EPHA4: variants seen among roughly 807,000 people sequenced by gnomAD.
The protein encoded by EPHA4 is EPH receptor A4.
EPHA4 carries 19 observed loss-of-function variants against 108.3 expected under a neutral mutation model. The ratio of observed to expected loss-of-function variants is 0.18; its 90% CI spans 0.12 to 0.26. The LOEUF (loss-of-function observed/expected upper bound fraction) is 0.26, where lower values mean the gene tolerates loss of function less well. EPHA4 is among the 10% of genes least tolerant of loss of function. EPHA4 has a pLI of 1.00. For synonymous variants in EPHA4, 449 were observed against 455.5 expected (o/e 0.99, Z 0.18); for missense variants, 917 against 1,254.0 (o/e 0.73, Z 4.06).
At chr2:221,496,115 G>A (rs924077104) in intron 4 of EPHA4, among the ~76,000 whole-genome samples, 11 of 152,242 alleles carry the variant, frequency 7.2e-5, no homozygotes, top group South Asian at 4.1e-4. Context: ...AAGAGAATCC[G>A]ATAAAGCTGG....
chr2:221,494,810 A>C (rs1003664137), intron 4 of EPHA4, among the ~76,000 whole-genome samples: 3 of 152,140 alleles, frequency 2.0e-5, no homozygotes, highest in African/African-American at 7.2e-5. Context: ...AGGGGCAGGG[A>C]AACAAGGAGA....
intron 3 of EPHA4, among the ~76,000 whole-genome samples, chr2:221,555,020 T>G (rs1055933795): frequency 6.6e-6 from 1 of 152,180 alleles, no homozygotes; most frequent in African/African-American, 2.4e-5. Context: ...AACAGCAAGA[T>G]TCCAGCTGAA....
chr2:221,572,447 A>G (rs1694876703), upstream of EPHA4: 1 of 425,582 alleles, frequency 2.3e-6, no homozygotes. Context: ...GGCCCGCCCC[A>G]GGGTTCCGCC....
chr2:221,543,230 A>G (rs190691386), intron 3 of EPHA4, among the ~76,000 whole-genome samples: 252 of 152,378 alleles, frequency 1.7e-3, no homozygotes, highest in Non-Finnish European at 2.7e-3. Context: ...TAAATGTCCA[A>G]CAATAGAGGA....
intron 3 of EPHA4, among the ~76,000 whole-genome samples, chr2:221,514,140 G>A (rs904733924): frequency 4.6e-5 from 7 of 151,866 alleles, no homozygotes; most frequent in Non-Finnish European, 7.4e-5. Context: ...TCTTCAGCTT[G>A]ATGGGTCATT....
rs781087709 is a variant in EPHA4 at position 221,482,570 on chromosome 2, T to C, written c.1100A>G (p.Lys367Arg). 3.1e-5 allele frequency: 50 copies of C among 1,614,020 alleles called. 1 individual carries two copies. The South Asian group carries it at 5.3e-4, about 17-fold the overall frequency. ...GCTGGGGTCACCAGCTCCACATTTCTTGCATACCACATTATAGGAAATGTC... is the reference window on the plus strand; with the variant it reads ...GCTGGGGTCACCAGCTCCACATTTCCTGCATACCACATTATAGGAAATGTC... ...RQDISYNVVCKKCGAGDPSKC... is the reference protein window; with the variant it reads ...RQDISYNVVCRKCGAGDPSKC... Residue 367 changes from lysine to arginine, a missense_variant, in exon 5 of 18, where the codon AAG (lysine) becomes AGG (arginine). Coordinates refer to ENST00000281821, the MANE Select transcript of EPHA4 (RefSeq NM_004438.5).
chr2:221,479,802 T>C (rs1044146300), intron 5 of EPHA4, among the ~76,000 whole-genome samples: 2 of 152,188 alleles, frequency 1.3e-5, no homozygotes, highest in Non-Finnish European at 2.9e-5. Context: ...AAGTGAAAGC[T>C]TTCTGGCTGG....
rs543363684 is a variant in EPHA4, at chr2:221,467,973, A to G, written c.1319-9983T>C. Reference sequence around the variant, plus strand: ...GTTTAGAAGAATTTGCCTGAGCAAGATGATTGTTTTAAGGTAAGAAAATGG... The same window carrying G: ...GTTTAGAAGAATTTGCCTGAGCAAGGTGATTGTTTTAAGGTAAGAAAATGG... On this transcript the variant is annotated intron_variant, in intron 5 of 17. Transcript: ENST00000281821. Among the ~76,000 whole-genome samples the G allele has an allele frequency of 2.6e-5, 4 of 152,338 alleles. No homozygotes were observed. The East Asian group carries it at 7.7e-4, about 29-fold the overall frequency.
At chr2:221,470,277 A>G (rs1261453280) in intron 5 of EPHA4, among the ~76,000 whole-genome samples, 1 of 151,608 alleles carries the variant, frequency 6.6e-6, no homozygotes, top group African/African-American at 2.4e-5. Flanking sequence ...AGTGATGATC[A>G]CGGACAGTAT....
intron 3 of EPHA4, among the ~76,000 whole-genome samples, chr2:221,547,336 T>C (rs1176083379): frequency 6.6e-6 from 1 of 152,242 alleles, no homozygotes; most frequent in East Asian, 1.9e-4. Flanking sequence ...TACAGAAGCA[T>C]TAGAGAAATC....
rs1037255416 is a variant in EPHA4 at position 221,533,250 on chromosome 2, T to C, written c.823+30481A>G. On this transcript the variant is annotated intron_variant, in intron 3 of 17. Coordinates refer to ENST00000281821, the MANE Select transcript of EPHA4 (RefSeq NM_004438.5). Reference sequence around the variant, plus strand: ...CAGGCAGCCCCATAGCTCCAAAAACTTTTTTGTTGTTGTTGATCAAAATGT... The same window carrying C: ...CAGGCAGCCCCATAGCTCCAAAAACCTTTTTGTTGTTGTTGATCAAAATGT... Among the ~76,000 whole-genome samples the C allele has an allele frequency of 4.2e-4, 64 of 152,258 alleles. 1 individual carries two copies. The highest frequency in any genetic ancestry group is 1.5e-3 in the African/African-American group (64 of 41,558).
At chr2:221,452,906 C>T (rs906535307) in intron 8 of EPHA4, among the ~76,000 whole-genome samples, 2 of 152,166 alleles carry the variant, frequency 1.3e-5, no homozygotes, top group African/African-American at 2.4e-5. Flanking sequence ...TCCGTAGTCA[C>T]GGCTTTTAAT....
chr2:221,550,999 ATAT>A (rs1694144223), intron 3 of EPHA4, among the ~76,000 whole-genome samples: 1 of 152,122 alleles, frequency 6.6e-6, no homozygotes, highest in Non-Finnish European at 1.5e-5. Flanking sequence ...AATAGATCTG[ATAT>A]TATAGTTAAG....
intron 5 of EPHA4, among the ~76,000 whole-genome samples, chr2:221,468,569 C>T (rs1427634677): frequency 2.6e-5 from 4 of 152,154 alleles, no homozygotes; most frequent in Non-Finnish European, 4.4e-5. Flanking sequence ...AGCTTTCTGA[C>T]GTCCAAAGCA....
chr2:221,466,028 A>T (rs761654273), intron 5 of EPHA4, among the ~76,000 whole-genome samples: 1 of 152,206 alleles, frequency 6.6e-6, no homozygotes, highest in Non-Finnish European at 1.5e-5. Flanking sequence ...CACGATGAGC[A>T]GATATCCACC....
chr2:221,526,852 C>CAAAAAAAA (rs528335766), intron 3 of EPHA4, among the ~76,000 whole-genome samples: 1 of 48,588 alleles, frequency 2.1e-5, no homozygotes, highest in African/African-American at 8.3e-5. Context: ...GACTCGGCCT[C>CAAAAAAAA]AAAAAAAAAA....
chr2:221,494,358 C>A (rs1205937031), intron 4 of EPHA4, among the ~76,000 whole-genome samples: 1 of 152,204 alleles, frequency 6.6e-6, no homozygotes, highest in Non-Finnish European at 1.5e-5. Flanking sequence ...AATCCCAGCA[C>A]TCTGGGAGGC....
intron 3 of EPHA4, among the ~76,000 whole-genome samples, chr2:221,521,300 G>A (rs1693158294): frequency 6.6e-6 from 1 of 152,184 alleles, no homozygotes; most frequent in Non-Finnish European, 1.5e-5. Flanking sequence ...TGCAACGGGA[G>A]GATCTCATTT....
intron 14 of EPHA4, among the ~76,000 whole-genome samples, chr2:221,430,902 T>C (rs991555474): frequency 1.3e-5 from 2 of 152,232 alleles, no homozygotes; most frequent in Admixed American, 6.5e-5. Flanking sequence ...ATGATAATTG[T>C]CTTATTGGCC....
Sources: gnomAD v4.1 joint callset for allele counts (sites outside exome capture counted in the v4.1 genomes callset) on GRCh38, gnomAD v4.1.1 for gene constraint, MANE v1.5 for transcripts, NCBI Gene and HGNC (gene_info 2026-07-23, HGNC 2026-07-21) for gene names.